CNBD1: variants seen among roughly 807,000 people sequenced by gnomAD.
CNBD1 encodes cyclic nucleotide-binding domain-containing protein 1.
CNBD1 carries 71 observed loss-of-function variants against 54.4 expected under a neutral mutation model. The ratio of observed to expected loss-of-function variants is 1.30; its 90% confidence interval spans 1.08 to 1.59. The LOEUF is 1.59. Ranked by LOEUF, CNBD1 falls within the 40% of genes most tolerant of loss-of-function variation. The pLI, the probability that CNBD1 is intolerant of heterozygous loss-of-function variation, is 0.00. For synonymous variants in CNBD1, 182 were observed against 170.7 expected, an observed-to-expected ratio of 1.07 and a Z score of -0.51; for missense variants, 659 against 518.0, an observed-to-expected ratio of 1.27 and a Z score of -2.64.
chr8:87,323,948 A>T (rs1586013170), intron 8 of CNBD1, among the ~76,000 whole-genome samples: 1 of 138,598 alleles, frequency 7.2e-6, no homozygotes, highest in Non-Finnish European at 1.6e-5. Flanking sequence ...TTTGCCATAG[A>T]TAGCTCTTAT....
intron 4 of CNBD1, among the ~76,000 whole-genome samples, chr8:87,100,899 A>C (rs1215696771): frequency 1.3e-5 from 2 of 152,226 alleles, no homozygotes; most frequent in East Asian, 3.8e-4. Context: ...AAAAACTACC[A>C]AAATCCTTGT....
At chr8:87,345,230 A>G (rs1310115543) in intron 8 of CNBD1, among the ~76,000 whole-genome samples, 1 of 152,212 alleles carries the variant, frequency 6.6e-6, no homozygotes, top group Non-Finnish European at 1.5e-5. Context: ...ACATCCTTCC[A>G]TGTGTATTTA....
intron 4 of CNBD1, among the ~76,000 whole-genome samples, chr8:86,955,371 T>A (rs1264492293): frequency 2.0e-5 from 3 of 152,180 alleles, no homozygotes; most frequent in Admixed American, 6.5e-5. Context: ...CTGGGTCAAA[T>A]GGTATTTCTA....
intron 4 of CNBD1, among the ~76,000 whole-genome samples, chr8:86,963,956 G>C (rs555760094): frequency 6.6e-6 from 1 of 152,158 alleles, no homozygotes; most frequent in Non-Finnish European, 1.5e-5. Flanking sequence ...CAGTTGACAG[G>C]TGCATTGTGA....
chr8:87,383,361 A>T (rs896140042), downstream of CNBD1, among the ~76,000 whole-genome samples: 34 of 152,068 alleles, frequency 2.2e-4, no homozygotes, highest in African/African-American at 8.2e-4. Context: ...AGTAAGGGGG[A>T]AAACCGTACG....
chr8:87,037,565 A>T (rs967755951), intron 4 of CNBD1, among the ~76,000 whole-genome samples: 3 of 151,912 alleles, frequency 2.0e-5, no homozygotes, highest in East Asian at 3.9e-4. Flanking sequence ...TAAGATGAAA[A>T]TTTTTTCAGC....
At chr8:87,403,572 C>G (rs1244350297) in intron 2 of CNBD1, among the ~76,000 whole-genome samples, 1 of 152,004 alleles carries the variant, frequency 6.6e-6, no homozygotes, top group Non-Finnish European at 1.5e-5. Context: ...TGCTTTACTT[C>G]TCTCACACTG....
rs59497760 is a variant in CNBD1 at position 86,895,253 on chromosome 8, GGTGTGT to G, written c.158+7665_158+7670del. 4.4e-3 allele frequency among the ~76,000 whole-genome samples: 642 copies of G among 144,900 alleles called. 2 individuals carry two copies. Among genetic ancestry groups the G allele is most frequent in the African/African-American group, 0.016 (592 of 37,376 alleles). ...TTTTTTTCTCTGTGTGTGTGTGCAT[GGTGTGT>G]GTGTGTGTGTGTGTGTGTGTGTTTG... On this transcript the variant is annotated intron_variant, in intron 2 of 10. Transcript: ENST00000518476.
At chr8:86,883,959 G>A (rs1808640998) in intron 1 of CNBD1, among the ~76,000 whole-genome samples, 1 of 151,944 alleles carries the variant, frequency 6.6e-6, no homozygotes, top group African/African-American at 2.4e-5. Context: ...AGACCATCCC[G>A]GCTAAAACGG....
chr8:87,100,431 C>G (rs986906432), intron 4 of CNBD1, among the ~76,000 whole-genome samples: 2 of 152,062 alleles, frequency 1.3e-5, no homozygotes, highest in Non-Finnish European at 2.9e-5. Flanking sequence ...TGTATTGTCT[C>G]ATAGTACTTC....
chr8:86,866,704 GT>G, intron 1 of CNBD1, 121 bp downstream of exon 1: 1 of 718,160 alleles, frequency 1.4e-6, no homozygotes, highest in Non-Finnish European at 2.4e-6. Context: ...CTTATTGACA[GT>G]GCTGAAGAAT....
chr8:87,110,040 G>T (rs757721981), intron 4 of CNBD1, among the ~76,000 whole-genome samples: 2 of 152,114 alleles, frequency 1.3e-5, no homozygotes, highest in Non-Finnish European at 2.9e-5. Context: ...CAGTGAGTCT[G>T]TGCATATTCT....
chr8:86,874,309 T>A (rs1808483916), intron 1 of CNBD1, among the ~76,000 whole-genome samples: 1 of 152,220 alleles, frequency 6.6e-6, no homozygotes, highest in South Asian at 2.1e-4. Flanking sequence ...TTGTAGAATA[T>A]CTTTCAATTT....
chr8:86,966,343 T>A (rs1343487338), intron 4 of CNBD1, among the ~76,000 whole-genome samples: 4 of 152,192 alleles, frequency 2.6e-5, no homozygotes, highest in Non-Finnish European at 4.4e-5. Flanking sequence ...GTGTCCGGAA[T>A]TGGTTGCTTC....
intron 2 of CNBD1, among the ~76,000 whole-genome samples, chr8:87,389,173 C>G (rs1811255663): frequency 6.6e-6 from 1 of 152,034 alleles, no homozygotes; most frequent in Non-Finnish European, 1.5e-5. Flanking sequence ...TGGAAGCATT[C>G]CCTTTGAAAA....
At chr8:87,207,591 G>T (rs1173639752) in intron 5 of CNBD1, among the ~76,000 whole-genome samples, 1 of 151,836 alleles carries the variant, frequency 6.6e-6, no homozygotes, top group Non-Finnish European at 1.5e-5. Flanking sequence ...GTGATAAAGG[G>T]CTAAAATTAA....
intron 8 of CNBD1, among the ~76,000 whole-genome samples, chr8:87,308,733 CT>C (rs1214767793): frequency 6.6e-6 from 1 of 152,088 alleles, no homozygotes; most frequent in East Asian, 1.9e-4. Flanking sequence ...ACCAGTCTCT[CT>C]TCACCCTCTC....
At chr8:86,898,971 T>G (rs146415830) in intron 2 of CNBD1, among the ~76,000 whole-genome samples, 74 of 152,268 alleles carry the variant, frequency 4.9e-4, no homozygotes, top group African/African-American at 1.8e-3. Flanking sequence ...GTGGTTTATA[T>G]ACCCAATGGA....
chr8:87,261,368 C>T (rs994849260), intron 6 of CNBD1, among the ~76,000 whole-genome samples: 1 of 151,916 alleles, frequency 6.6e-6, no homozygotes, highest in Non-Finnish European at 1.5e-5. Flanking sequence ...CTTTGGATCC[C>T]ACTTCTGACA....
Sources: allele counts gnomAD v4.1 joint callset (sites outside exome capture counted in the v4.1 genomes callset), GRCh38; gene constraint gnomAD v4.1.1; transcripts MANE v1.5; gene names NCBI Gene and HGNC (gene_info 2026-07-23, HGNC 2026-07-21).